The following EPM2A variants were observed in gnomAD, a reference collection of about 807,000 sequenced individuals.
EPM2A encodes laforin.
Under a neutral mutation model 26.5 loss-of-function variants are expected in EPM2A, and 21 were observed. The observed-to-expected ratio is 0.79, with a 90% CI of 0.56 to 1.14. EPM2A has a LOEUF of 1.14. EPM2A is among the 50% of genes most tolerant of loss of function. EPM2A has a pLI of 0.00. For missense variants in EPM2A, 458 were observed against 440.8 expected, an observed-to-expected ratio of 1.04 and a Z score of -0.35; for synonymous variants, 217 against 177.6, an observed-to-expected ratio of 1.22 and a Z score of -1.76.
intron 4 of EPM2A, among the ~76,000 whole-genome samples, chr6:145,478,665 C>T (rs1779570500): frequency 6.6e-6 from 1 of 151,704 alleles, no homozygotes; most frequent in African/African-American, 2.4e-5. Context: ...ATACATTTCC[C>T]TTTAAGAAGC....
chr6:145,654,126 T>C (rs956817169), intron 2 of EPM2A, among the ~76,000 whole-genome samples: 2 of 152,230 alleles, frequency 1.3e-5, no homozygotes, highest in African/African-American at 4.8e-5. Context: ...GAACTCACTG[T>C]ATATCTATTG....
At position 145,735,276 on chromosome 6, in the gene EPM2A, C is replaced by G; in HGVS notation, c.223G>C (p.Gly75Arg). 6.7e-7 allele frequency: 1 copy of G among 1,496,918 alleles called. No individual in the cohort carries two copies. Among genetic ancestry groups the G allele is most frequent in the Non-Finnish European group, 8.9e-7 (1 of 1,120,598 alleles). The allele number at this position is 1,496,918 out of a possible 1,614,324, so 92.7% of individuals were successfully genotyped here. ...GTGTCCACGCGGCCCGGCTCCGCCC[C>G]GTCCTGCGCCGCCTCCTCGGCCGCC... ...ELAAEEAAQD[G>R]AEPGRVDTFW... is the part of the protein sequence containing the mutation. Residue 75 changes from glycine to arginine, a missense_variant, in exon 1 of 4, where the codon GGG becomes CGG. Physicochemically the swap from Gly to Arg is moderately radical, Grantham distance 125 (BLOSUM62 -2). Transcript: ENST00000367519.
At chr6:145,445,401 T>C (rs911027512) in intron 4 of EPM2A, among the ~76,000 whole-genome samples, 2 of 152,234 alleles carry the variant, frequency 1.3e-5, no homozygotes, top group Non-Finnish European at 2.9e-5. Context: ...GTAGTCATCA[T>C]ATACATCAAA....
intron 4 of EPM2A, among the ~76,000 whole-genome samples, chr6:145,423,564 G>C (rs1417483350): frequency 6.6e-6 from 1 of 152,184 alleles, no homozygotes; most frequent in African/African-American, 2.4e-5. Context: ...TCACACATTT[G>C]GTTGCAAACT....
intron 2 of EPM2A, among the ~76,000 whole-genome samples, chr6:145,541,182 T>TGC (rs1369059096): frequency 3.1e-5 from 1 of 31,902 alleles, no homozygotes; most frequent in East Asian, 8.5e-4. Context: ...TATATCTGTG[T>TGC]GTGTGTGTGT....
intron 1 of EPM2A, among the ~76,000 whole-genome samples, chr6:145,705,041 G>A (rs1312885905): frequency 1.3e-5 from 2 of 152,186 alleles, no homozygotes; most frequent in Non-Finnish European, 2.9e-5. Context: ...AAAGTGCCTT[G>A]CTCAAGTTCA....
intron 2 of EPM2A, among the ~76,000 whole-genome samples, chr6:145,527,466 G>A (rs937148159): frequency 5.9e-5 from 9 of 152,040 alleles, no homozygotes; most frequent in South Asian, 2.1e-4. Context: ...GAATCTGCCC[G>A]CTCCAACATT....
chr6:145,571,794 A>G (rs911944644), intron 2 of EPM2A, among the ~76,000 whole-genome samples: 6 of 152,144 alleles, frequency 3.9e-5, no homozygotes, highest in Non-Finnish European at 8.8e-5. Flanking sequence ...TCATGGGCCC[A>G]CTGGGCAATG....
At chr6:145,450,846 G>A (rs1408639693) in intron 4 of EPM2A, among the ~76,000 whole-genome samples, 1 of 151,978 alleles carries the variant, frequency 6.6e-6, no homozygotes, top group Non-Finnish European at 1.5e-5. Context: ...CATCTCTCAA[G>A]GACCATTTTC....
intron 1 of EPM2A, among the ~76,000 whole-genome samples, chr6:145,716,544 C>A (rs753523630): frequency 6.6e-6 from 1 of 152,178 alleles, no homozygotes; most frequent in African/African-American, 2.4e-5. Context: ...TCCCTGCCCA[C>A]GTCCTCCAGG....
intron 2 of EPM2A, among the ~76,000 whole-genome samples, chr6:145,654,341 C>G (rs1279687317): frequency 1.3e-5 from 2 of 152,034 alleles, no homozygotes; most frequent in African/African-American, 4.8e-5. Context: ...GCCACCATGC[C>G]TGGCTAATTT....
At chr6:145,700,631 A>G (rs1247112752) in intron 1 of EPM2A, among the ~76,000 whole-genome samples, 1 of 152,188 alleles carries the variant, frequency 6.6e-6, no homozygotes, top group Non-Finnish European at 1.5e-5. Flanking sequence ...CCTAGTAGCT[A>G]TATCTCAACA....
chr6:145,482,860 C>T (rs1779626827), intron 4 of EPM2A, among the ~76,000 whole-genome samples: 1 of 119,616 alleles, frequency 8.4e-6, no homozygotes, highest in Non-Finnish European at 1.7e-5. Context: ...TAAATTATAG[C>T]TATTCTTTTT....
intron 2 of EPM2A, among the ~76,000 whole-genome samples, chr6:145,508,276 A>G (rs1372362155): frequency 1.3e-5 from 2 of 152,190 alleles, no homozygotes; most frequent in Non-Finnish European, 2.9e-5. Flanking sequence ...GGTGAGCATG[A>G]GCTGAGGGAG....
chr6:145,643,519 T>C (rs1777236726), intron 2 of EPM2A, among the ~76,000 whole-genome samples: 1 of 152,354 alleles, frequency 6.6e-6, no homozygotes, highest in Admixed American at 6.5e-5. Context: ...ATTCATGTTA[T>C]AATTTATGGT....
rs963168029 is a variant in EPM2A, at chr6:145,564,467, A to G, written c.341-61892T>C. Reference sequence around the variant, plus strand: ...CAGTGAGGCTTTAGGGGCCAAACACAGAAGCAAAGTTGAGAAATCACCTGA... The same window carrying G: ...CAGTGAGGCTTTAGGGGCCAAACACGGAAGCAAAGTTGAGAAATCACCTGA... On this transcript the variant is annotated intron_variant, in intron 2 of 3. Coordinates refer to the EPM2A transcript ENST00000450221. 3.9e-5 allele frequency among the ~76,000 whole-genome samples: 6 copies of G among 152,360 alleles called. No homozygotes were observed. In the East Asian group the frequency reaches 1.2e-3, roughly 29 times the overall value.
intron 3 of EPM2A, among the ~76,000 whole-genome samples, chr6:145,632,846 A>C (rs1776365609): frequency 6.6e-6 from 1 of 152,226 alleles, no homozygotes; most frequent in Admixed American, 6.5e-5. Flanking sequence ...AGTGGTTATT[A>C]ACCCTTAGAT....
chr6:145,703,925 AG>A (rs1489888928), intron 1 of EPM2A, among the ~76,000 whole-genome samples: 4 of 152,234 alleles, frequency 2.6e-5, no homozygotes, highest in African/African-American at 9.6e-5. Flanking sequence ...TTCTGATGAT[AG>A]GATAAAATAG....
At chr6:145,701,639 C>T (rs1038201060) in intron 1 of EPM2A, among the ~76,000 whole-genome samples, 1 of 152,158 alleles carries the variant, frequency 6.6e-6, no homozygotes, top group Non-Finnish European at 1.5e-5. Flanking sequence ...CATTCCATTG[C>T]TACCTAAAGA....
Sources: gnomAD v4.1 joint callset for allele counts (sites outside exome capture counted in the v4.1 genomes callset) on GRCh38, gnomAD v4.1.1 for gene constraint, MANE v1.5 for transcripts, NCBI Gene and HGNC (gene_info 2026-07-23, HGNC 2026-07-21) for gene names.